The following SPAG8 variants were observed in gnomAD, a reference collection of about 807,000 sequenced individuals.
SPAG8 encodes the protein sperm-associated antigen 8.
Under a neutral mutation model 45.3 loss-of-function variants are expected in SPAG8, and 36 were observed. That is an observed-to-expected ratio of 0.80 (90% CI 0.61 to 1.05). The LOEUF (loss-of-function observed/expected upper bound fraction) is 1.05. Among genes scored for constraint, SPAG8 ranks in the 50% least tolerant of loss-of-function variants. The probability of loss-of-function intolerance (pLI) is 0.00; values close to 1 mark genes in which losing one functional copy is unlikely to be tolerated. For missense variants in SPAG8, 573 were observed against 609.2 expected (o/e 0.94, Z 0.63); for synonymous variants, 227 against 232.6 (o/e 0.98, Z 0.22).
rs1317753269 is a variant in SPAG8 at position 35,811,452 on chromosome 9, C to T, written c.594G>A (p.Gly198=). Residue 198 remains glycine, a synonymous_variant, in exon 2 of 7, where the codon GGG becomes GGA. Coordinates refer to ENST00000396638, the MANE Select transcript of SPAG8 (RefSeq NM_001039592.2). ...AGTCAGGGCCAGTGTCTGGACCAGGCCCAGAGGCAGGACCAGGATGAGAGC... is the reference window on the plus strand; with the variant it reads ...AGTCAGGGCCAGTGTCTGGACCAGGTCCAGAGGCAGGACCAGGATGAGAGC... ...GSGSHPGPAS[G]PGPDTGPDSE... 1.2e-6 allele frequency: 2 copies of T among 1,613,816 alleles called. No homozygotes were observed. Among genetic ancestry groups the T allele is most frequent in the Admixed American group, 3.3e-5 (2 of 59,982 alleles).
downstream of SPAG8, chr9:35,809,588 G>A (rs535220538): frequency 1.5e-6 from 2 of 1,374,440 alleles, no homozygotes; most frequent in East Asian, 2.3e-5. The surrounding 1 kb of genome is among the most constrained non-coding windows in gnomAD (Gnocchi z 4.1). Context: ...TATGGAAGTT[G>A]TAGCCCTCTG....
chr9:35,812,237 C>A lies in SPAG8; in HGVS notation c.-90G>T. 6.8e-7 allele frequency: 1 copy of A among 1,463,064 alleles called. No individual in the cohort carries two copies. Among genetic ancestry groups the A allele is most frequent in the African/African-American group, 1.4e-5 (1 of 71,832 alleles). The allele number at this position is 1,463,064 out of a possible 1,614,324, so 90.6% of individuals were successfully genotyped here. ...TACAGCTGGGCGGACTTGCAGGTGG[C>A]GGTGGAGGCAAGTCCTCTGCGGGGC... On this transcript the variant is annotated 5_prime_UTR_variant, in exon 1 of 7. Coordinates refer to ENST00000396638, the MANE Select transcript of SPAG8 (RefSeq NM_001039592.2).
chr9:35,810,097 G>A lies in SPAG8; in HGVS notation c.1299C>T (p.Phe433=), dbSNP rs61758535. The change falls in exon 7 of 7, where the codon TTC becomes TTT. Residue 433 remains phenylalanine (F), a synonymous_variant. Coordinates refer to ENST00000396638, the MANE Select transcript of SPAG8 (RefSeq NM_001039592.2). ...GTGTTGAGAAGCTGCAGTTCTTCCG[G>A]AATGGTGTGTCCAATGTCCTGATGT... ...VSNIRTLDTP[F]RKNCSFSTPV... 3.4e-3 allele frequency: 5,476 copies of A among 1,612,328 alleles called. 21 individuals are homozygous for A. The highest frequency in any genetic ancestry group is 4.1e-3 in the Non-Finnish European group (4,865 of 1,179,024).
chr9:35,809,419 C>T (rs755731628), downstream of SPAG8: 79 of 1,613,998 alleles, frequency 4.9e-5, 1 homozygote, highest in Middle Eastern at 1.6e-4. This position sits in a 1 kb window ranked among gnomAD's most constrained non-coding sequence, Gnocchi z 4.1. Flanking sequence ...CTTAGGAGAG[C>T]GGAAAGGACC....
chr9:35,809,261 A>T (rs375292860), downstream of SPAG8: 12 of 1,609,122 alleles, frequency 7.5e-6, no homozygotes, highest in Non-Finnish European at 1.0e-5. This position sits in a 1 kb window ranked among gnomAD's most constrained non-coding sequence, Gnocchi z 4.1. Context: ...ATGGCAGGCC[A>T]TGGGGAGGGG....
chr9:35,811,312 C>T lies in SPAG8; in HGVS notation c.734G>A (p.Trp245Ter), dbSNP rs377269415. The T allele has an allele frequency of 1.9e-6, 3 of 1,614,018 alleles. No homozygotes were observed. Among genetic ancestry groups the T allele is most frequent in the Non-Finnish European group, 2.5e-6 (3 of 1,180,006 alleles). ...CGGTTCTAAGACTTGCAAAAATTCC[C>T]AAGGTGGTTGTTTCTGGGGCTCCCA... Reference protein sequence around the residue: ...CPWEPQKQPPWEFLQVLEPGA... With the variant: ...CPWEPQKQPP Residue 245 changes from tryptophan (W) to a stop codon, truncating the protein, a stop_gained, in exon 2 of 7, where the codon TGG (tryptophan) becomes TAG (stop). Transcript: ENST00000396638. LOFTEE classifies it high-confidence loss of function.
At position 35,810,701 on chromosome 9, in the gene SPAG8, G is replaced by T. The variant is rs762058233; in HGVS notation, c.1040-19C>A. On this transcript the variant is annotated intron_variant, in intron 3 of 6. Coordinates refer to ENST00000396638, the MANE Select transcript of SPAG8 (RefSeq NM_001039592.2). ...CGCTTCCCTGTGAGAGAGTTGGGGG[G>T]TGGGCAAGGTGGGGTCTGGTTAAGA... The T allele has an allele frequency of 1.8e-5, 29 of 1,613,980 alleles. No homozygotes were observed. The highest frequency in any genetic ancestry group is 2.2e-5 in the Non-Finnish European group (26 of 1,180,004).
downstream of SPAG8, chr9:35,808,459 A>G: frequency 1.9e-6 from 3 of 1,592,984 alleles, no homozygotes; most frequent in African/African-American, 2.7e-5. The surrounding 1 kb of genome is among the most constrained non-coding windows in gnomAD (Gnocchi z 4.0). Context: ...ACTTTTTCCC[A>G]TCCCCATGGA....
chr9:35,809,232 G>C (rs774392843), downstream of SPAG8: 8 of 1,613,948 alleles, frequency 5.0e-6, no homozygotes. The surrounding 1 kb of genome is among the most constrained non-coding windows in gnomAD (Gnocchi z 4.1). Flanking sequence ...AGCTTCGGGG[G>C]GATGTGGAAA....
downstream of SPAG8, chr9:35,809,146 C>T (rs756247152): frequency 2.5e-6 from 4 of 1,610,982 alleles, no homozygotes; most frequent in Non-Finnish European, 3.4e-6. The surrounding 1 kb of genome is among the most constrained non-coding windows in gnomAD (Gnocchi z 4.1). Flanking sequence ...CCCCATTCCA[C>T]CCACCCCAGC....
chr9:35,809,313 G>A, downstream of SPAG8: 3 of 1,610,544 alleles, frequency 1.9e-6, no homozygotes, highest in Non-Finnish European at 2.5e-6. This position sits in a 1 kb window ranked among gnomAD's most constrained non-coding sequence, Gnocchi z 4.1. Context: ...GGAATCATAG[G>A]GAAAGAGAGG....
chr9:35,810,746 A>C (rs1352899438), intron 3 of SPAG8, 64 bp from the exon 4 acceptor site: 2 of 1,607,908 alleles, frequency 1.2e-6, no homozygotes, highest in East Asian at 4.5e-5. Flanking sequence ...AGAAGAAACT[A>C]ACTTGAGAAA....
Position 35,811,299 on chromosome 9 carries a change from T to G in SPAG8, c.747A>C (p.Gln249His). ...PQKQPPWEFL[Q>H]VLEPGARGLW... ...GTCCTCGGGCACCCGGTTCTAAGAC[T>G]TGCAAAAATTCCCAAGGTGGTTGTT... The change falls in exon 2 of 7, where the codon CAA (glutamine) becomes CAC (histidine). Residue 249 changes from glutamine (Q) to histidine (H), a missense_variant. Gln to His is a conservative substitution (Grantham distance 24). Coordinates refer to ENST00000396638, the MANE Select transcript of SPAG8 (RefSeq NM_001039592.2). 4 of 1,614,154 alleles carry G rather than the reference T, an allele frequency of 2.5e-6. No individual in the cohort carries two copies. The highest frequency in any genetic ancestry group is 3.4e-6 in the Non-Finnish European group (4 of 1,179,998).
At position 35,811,828 on chromosome 9, in the gene SPAG8, G is replaced by T; in HGVS notation, c.218C>A (p.Ser73Tyr). The T allele has an allele frequency of 6.2e-7, 1 of 1,612,462 alleles. No homozygotes were observed. Among genetic ancestry groups the T allele is most frequent in the East Asian group, 2.2e-5 (1 of 44,784 alleles). ...AFTTAKAAALSTKTPAPCSEF... is the reference protein window; with the variant it reads ...AFTTAKAAALYTKTPAPCSEF... ...AGAACAGGGCGCTGGGGTCTTTGTA[G>T]ATAATGCAGCTGCTTTGGCAGTGGT... Residue 73 changes from serine to tyrosine, a missense_variant, in exon 2 of 7, where the codon TCT (serine) becomes TAT (tyrosine). Transcript: ENST00000396638.
In SPAG8 at chr9:35,811,207, C is replaced by A; in HGVS notation, c.839G>T (p.Cys280Phe). 1.9e-6 allele frequency: 3 copies of A among 1,579,562 alleles called. No homozygotes were observed. The highest frequency in any genetic ancestry group is 1.8e-5 in the Admixed American group (1 of 56,562). ...VCYETLPRGQ[C>F]LLYNWEEERA... ...CTCTTCCTCCCAGTTGTAGAGGAGG[C>A]ACTGGCCCCGCGGCAAAGTTTCATA... is the stretch of plus-strand genomic sequence containing the variant. The change falls in exon 2 of 7, where the codon TGC becomes TTC. Residue 280 changes from cysteine to phenylalanine, a missense_variant. By Grantham distance (205) the Cys-to-Phe change is radical (BLOSUM62 -2). Coordinates refer to ENST00000396638, the MANE Select transcript of SPAG8 (RefSeq NM_001039592.2).
In SPAG8 at chr9:35,812,029, G is replaced by A. The variant is rs1208138625; in HGVS notation, c.45-28C>T. On this transcript the variant is annotated intron_variant, in intron 1 of 6. Coordinates refer to ENST00000396638, the MANE Select transcript of SPAG8 (RefSeq NM_001039592.2). The stretch of plus-strand genomic sequence containing the variant: ...GAAAGAAAGCAAACACGACATGGCT[G>A]TCAAAAGCGCAGCAGAGGAAGTCAG... The A allele has an allele frequency of 4.4e-6, 7 of 1,608,368 alleles. No homozygotes were observed. The East Asian group carries it at 1.3e-4, about 31-fold the overall frequency.
chr9:35,812,228 T>C lies in SPAG8; in HGVS notation c.-81A>G, dbSNP rs1460095727. On this transcript the variant is annotated 5_prime_UTR_variant, in exon 1 of 7. Coordinates refer to ENST00000396638, the MANE Select transcript of SPAG8 (RefSeq NM_001039592.2). ...GCGCAGAAGTACAGCTGGGCGGACT[T>C]GCAGGTGGCGGTGGAGGCAAGTCCT... is the stretch of plus-strand genomic sequence containing the variant. 2 of 1,528,222 alleles carry C rather than the reference T, an allele frequency of 1.3e-6. No individual in the cohort carries two copies. Among genetic ancestry groups the C allele is most frequent in the Non-Finnish European group, 1.8e-6 (2 of 1,125,466 alleles). 94.7% of individuals were successfully genotyped at this position (1,528,222 alleles called of 1,614,324 possible).
Position 35,811,926 on chromosome 9 carries a change from G to A in SPAG8, c.120C>T (p.Pro40=), listed in dbSNP as rs767092505. The change falls in exon 2 of 7, where the codon CCC becomes CCT. Residue 40 remains proline (P), a synonymous_variant. Coordinates refer to ENST00000396638, the MANE Select transcript of SPAG8 (RefSeq NM_001039592.2). ...CGGTTGCAGCTGCCAGGGCCGACCT[G>A]GGACTGTCATCTGAAGAAGGAAACG... is the stretch of plus-strand genomic sequence containing the variant. ...SEPFPSSDDS[P]RSALAAATAA... The A allele has an allele frequency of 1.9e-6, 3 of 1,606,762 alleles. No individual in the cohort carries two copies. Among genetic ancestry groups the A allele is most frequent in the Non-Finnish European group, 2.6e-6 (3 of 1,174,660 alleles).
At position 35,811,018 on chromosome 9, in the gene SPAG8, C is replaced by G. The variant is rs1281577377; in HGVS notation, c.904G>C (p.Asp302His). Residue 302 changes from aspartate (D) to histidine (H), a missense_variant, in exon 3 of 7, where the codon GAT becomes CAT. Asp to His is a moderately conservative substitution (Grantham distance 81). Transcript: ENST00000396638. ...NHLDQVPSMQ[D>H]GSESFFFRHG... is the part of the protein sequence containing the mutation. The stretch of plus-strand genomic sequence containing the variant: ...CGGAAGAAAAAACTCTCAGAGCCAT[C>G]CTGCATGCTTGGGACTTGATCCAGG... The G allele has an allele frequency of 8.7e-6, 14 of 1,613,986 alleles. No homozygotes were observed. The highest frequency in any genetic ancestry group is 1.2e-5 in the Non-Finnish European group (14 of 1,179,964).
Sources: gnomAD v4.1 joint callset for allele counts on GRCh38, gnomAD v4.1.1 for gene constraint, Gnocchi (gnomAD v3.1) non-coding constraint, MANE v1.5 for transcripts, NCBI Gene and HGNC (gene_info 2026-07-23, HGNC 2026-07-21) for gene names.